Variants in CHLSN observed in about 807,000 individuals in gnomAD.
CHLSN encodes cholesin.
the CHLSN span, among the ~76,000 whole-genome samples, chr7:1,002,533 GA>G: frequency 1.1e-5 from 1 of 94,996 alleles, no homozygotes; most frequent in African/African-American, 5.0e-5. Flanking sequence ...TCCTGTGGGT[GA>G]GTGGAGCCCT....
At chr7:1,126,724 C>T in the CHLSN span, among the ~76,000 whole-genome samples, 2 of 152,126 alleles carry the variant, frequency 1.3e-5, no homozygotes, top group East Asian at 1.9e-4. Flanking sequence ...AGATGGCTCA[C>T]GTGTCTTTTC....
the CHLSN span, among the ~76,000 whole-genome samples, chr7:1,069,287 C>T: frequency 1.3e-5 from 2 of 152,072 alleles, no homozygotes; most frequent in East Asian, 1.9e-4. Flanking sequence ...GCCAAGATTG[C>T]GCCACTGCAC....
the CHLSN span, among the ~76,000 whole-genome samples, chr7:1,047,292 T>C: frequency 1.2e-4 from 18 of 152,220 alleles, no homozygotes; most frequent in African/African-American, 3.4e-4. Flanking sequence ...CTATTATCCA[T>C]GGAAAAAGAG....
chr7:1,124,136 T>TTA, the CHLSN span, among the ~76,000 whole-genome samples: 6 of 152,200 alleles, frequency 3.9e-5, no homozygotes, highest in Admixed American at 1.3e-4. Context: ...CAGCTTTCTT[T>TTA]TAATCAACAC....
the CHLSN span, among the ~76,000 whole-genome samples, chr7:1,122,608 C>A: frequency 1.3e-5 from 2 of 152,200 alleles, no homozygotes; most frequent in African/African-American, 2.4e-5. Flanking sequence ...CCAAGGGATG[C>A]TGGGCAGCAG....
the CHLSN span, among the ~76,000 whole-genome samples, chr7:1,001,545 G>T: frequency 1.6e-4 from 23 of 143,088 alleles, no homozygotes; most frequent in African/African-American, 4.2e-4. Context: ...GGGGAGTCCT[G>T]TGGGTGAGTG....
At chr7:1,070,631 ACG>A in the CHLSN span, among the ~76,000 whole-genome samples, 186 of 143,012 alleles carry the variant, frequency 1.3e-3, no homozygotes, top group Admixed American at 2.2e-3. Flanking sequence ...CGCACACAAC[ACG>A]CACACGGACA....
chr7:1,099,331 T>A, the CHLSN span, among the ~76,000 whole-genome samples: 1 of 152,246 alleles, frequency 6.6e-6, no homozygotes, highest in Non-Finnish European at 1.5e-5. Flanking sequence ...CATCGGACAG[T>A]GCTGGCTAAC....
At chr7:1,051,303 T>C in the CHLSN span, among the ~76,000 whole-genome samples, 8 of 152,244 alleles carry the variant, frequency 5.3e-5, no homozygotes, top group African/African-American at 1.9e-4. Context: ...AGGGTGCACC[T>C]GGTGTCCAGC....
chr7:997,760 C>T, the CHLSN span: 1 of 1,610,200 alleles, frequency 6.2e-7, no homozygotes, highest in Non-Finnish European at 8.5e-7. Flanking sequence ...GGCCCTGCAG[C>T]CCCTCCAGGT....
chr7:1,030,279 C>T, the CHLSN span, among the ~76,000 whole-genome samples: 2 of 152,214 alleles, frequency 1.3e-5, no homozygotes, highest in Admixed American at 6.5e-5. Context: ...TCTTCACCAA[C>T]GCACCAACTC....
At chr7:1,016,650 A>AGC in the CHLSN span, among the ~76,000 whole-genome samples, 314 of 91,096 alleles carry the variant, frequency 3.4e-3, 36 homozygotes, top group African/African-American at 0.013. Context: ...AGCGCACAGC[A>AGC]GCACACAGCA....
the CHLSN span, among the ~76,000 whole-genome samples, chr7:993,600 C>T: frequency 2.0e-5 from 3 of 152,166 alleles, no homozygotes; most frequent in Middle Eastern, 3.4e-3. Flanking sequence ...CACAGTGAGG[C>T]CCCCCGCTTC....
chr7:1,129,653 A>G, the CHLSN span, among the ~76,000 whole-genome samples: 1 of 152,196 alleles, frequency 6.6e-6, no homozygotes, highest in African/African-American at 2.4e-5. Context: ...TATGCTGCCC[A>G]GGATGGTCTT....
chr7:1,135,736 G>C, the CHLSN span, among the ~76,000 whole-genome samples: 1 of 148,122 alleles, frequency 6.8e-6, no homozygotes, highest in Non-Finnish European at 1.5e-5. Context: ...CTGCACTCCA[G>C]CCTGGACAAC....
At chr7:1,084,396 CTCG>C in the CHLSN span, among the ~76,000 whole-genome samples, 1 of 152,242 alleles carries the variant, frequency 6.6e-6, no homozygotes, top group Non-Finnish European at 1.5e-5. Context: ...TTCTCCGAAC[CTCG>C]GGCTGTCTTC....
chr7:987,933 T>TGGGGGGGGTCCCCTGTGTCCTG, the CHLSN span, among the ~76,000 whole-genome samples: 2 of 135,684 alleles, frequency 1.5e-5, no homozygotes, highest in African/African-American at 6.0e-5. Flanking sequence ...CTGTGTGTCC[T>TGGGGGGGGTCCCCTGTGTCCTG]GGGGGGGTCC....
chr7:1,048,056 G>T, the CHLSN span, among the ~76,000 whole-genome samples: 3 of 152,170 alleles, frequency 2.0e-5, no homozygotes, highest in African/African-American at 7.2e-5. Context: ...CTGGCGGAGG[G>T]GTGTGGAGAC....
the CHLSN span, among the ~76,000 whole-genome samples, chr7:1,082,836 G>A: frequency 2.3e-3 from 346 of 152,344 alleles, 1 homozygote; most frequent in African/African-American, 7.9e-3. Flanking sequence ...AGGAAGCACC[G>A]GGGAGTGTGG....
Sources: allele counts gnomAD v4.1 joint callset (sites outside exome capture counted in the v4.1 genomes callset), GRCh38; gene constraint gnomAD v4.1.1; transcripts MANE v1.5; gene names NCBI Gene and HGNC (gene_info 2026-07-23, HGNC 2026-07-21).